Variants in ARHGAP10 observed in about 807,000 individuals in gnomAD.
ARHGAP10 encodes the protein rho GTPase-activating protein 10.
ARHGAP10 carries 87 observed loss-of-function variants against 108.6 expected under a neutral mutation model. That is an observed-to-expected ratio of 0.80 (90% CI 0.67 to 0.96). The LOEUF (loss-of-function observed/expected upper bound fraction) is 0.96. ARHGAP10 is among the 40% of genes least tolerant of loss of function. ARHGAP10 has a pLI of 0.00. For missense variants in ARHGAP10, 939 were observed against 954.5 expected (o/e 0.98, Z 0.21); for synonymous variants, 347 against 341.1 (o/e 1.02, Z -0.19).
intron 1 of ARHGAP10, among the ~76,000 whole-genome samples, chr4:147,795,473 A>G (rs1731279833): frequency 6.6e-6 from 1 of 151,602 alleles, no homozygotes; most frequent in Non-Finnish European, 1.5e-5. Context: ...TGAGTCTTAC[A>G]GGGTCTCTGT....
intron 10 of ARHGAP10, among the ~76,000 whole-genome samples, chr4:147,886,004 TAGTC>T (rs746465622): frequency 2.2e-4 from 33 of 152,356 alleles, no homozygotes; most frequent in Non-Finnish European, 3.8e-4. Flanking sequence ...TGATGGGTTG[TAGTC>T]AGAACTTCAT....
At chr4:148,061,480 G>A (rs931842075) in intron 20 of ARHGAP10, among the ~76,000 whole-genome samples, 8 of 152,132 alleles carry the variant, frequency 5.3e-5, no homozygotes, top group Non-Finnish European at 8.8e-5. Flanking sequence ...AAAAAATGGA[G>A]TGACTTTTGT....
intron 1 of ARHGAP10, among the ~76,000 whole-genome samples, chr4:147,785,041 C>G (rs966824415): frequency 8.3e-6 from 1 of 121,032 alleles, no homozygotes; most frequent in African/African-American, 3.1e-5. Context: ...TATATATATG[C>G]AGTTGATTCC....
chr4:148,048,338 A>G (rs1388308286), intron 20 of ARHGAP10, among the ~76,000 whole-genome samples: 1 of 152,200 alleles, frequency 6.6e-6, no homozygotes, highest in African/African-American at 2.4e-5. Flanking sequence ...GACATTTGGT[A>G]TGCCAAAATT....
chr4:147,873,073 T>C (rs139284992), intron 7 of ARHGAP10, among the ~76,000 whole-genome samples: 138 of 152,334 alleles, frequency 9.1e-4, no homozygotes, highest in Admixed American at 4.5e-3. Context: ...CCTAAGGCTG[T>C]CTGCTGAGAA....
Position 148,031,015 on chromosome 4 carries a change from T to C in ARHGAP10, c.1867+7602T>C, listed in dbSNP as rs1728126334. On this transcript the variant is annotated intron_variant, in intron 19 of 22. Coordinates refer to ENST00000336498, the MANE Select transcript of ARHGAP10 (RefSeq NM_024605.4). ...TTGAGGCTGCAGCGAGCCGTGATTATACCACTGCACTCCAGCCTGGGTGAC... is the reference window on the plus strand; with the variant it reads ...TTGAGGCTGCAGCGAGCCGTGATTACACCACTGCACTCCAGCCTGGGTGAC... Among the ~76,000 whole-genome samples the C allele has an allele frequency of 3.3e-5, 5 of 152,246 alleles. No individual in the cohort carries two copies. In the South Asian group the frequency reaches 1.0e-3, roughly 32 times the overall value.
chr4:148,028,214 A>AT (rs1167690992), intron 19 of ARHGAP10, among the ~76,000 whole-genome samples: 1 of 152,232 alleles, frequency 6.6e-6, no homozygotes, highest in East Asian at 1.9e-4. Context: ...TGACTGAGGC[A>AT]TGGCAGGAGC....
At chr4:147,741,792 G>GCACGCGCACACA (rs1553944880) in intron 1 of ARHGAP10, among the ~76,000 whole-genome samples, 1 of 57,576 alleles carries the variant, frequency 1.7e-5, no homozygotes, top group African/African-American at 3.4e-5. Context: ...ACACACACAC[G>GCACGCGCACACA]CACACACACA....
At position 147,935,625 on chromosome 4, in the gene ARHGAP10, T is replaced by C. The variant is rs144837812; in HGVS notation, c.1229-4200T>C. ...AAAGGACATGATAAACTCACTAATATGCCTTGGCATATTGGTTGGTTTATA... is the reference window on the plus strand; with the variant it reads ...AAAGGACATGATAAACTCACTAATACGCCTTGGCATATTGGTTGGTTTATA... On this transcript the variant is annotated intron_variant, in intron 13 of 22. Transcript: ENST00000336498. Among the ~76,000 whole-genome samples the C allele has an allele frequency of 1.6e-3, 238 of 152,346 alleles. 1 individual carries two copies. Among genetic ancestry groups the C allele is most frequent in the African/African-American group, 5.3e-3 (222 of 41,586 alleles).
At position 147,986,011 on chromosome 4, in the gene ARHGAP10, G is replaced by A. The variant is rs141145773; in HGVS notation, c.1716+19172G>A. On this transcript the variant is annotated intron_variant, in intron 18 of 22. Transcript: ENST00000336498. ...TCCTTTGCTGTTGAAGTGGATTTCC[G>A]TTTTCCTGTTTGAATTAAAGCTCAC... Among the ~76,000 whole-genome samples, 477 of 152,156 alleles carry A rather than the reference G, an allele frequency of 3.1e-3. 5 individuals are homozygous for A. Among genetic ancestry groups the A allele is most frequent in the African/African-American group, 0.01 (431 of 41,500 alleles).
chr4:148,016,873 C>A (rs144357011), intron 18 of ARHGAP10, among the ~76,000 whole-genome samples: 52 of 151,420 alleles, frequency 3.4e-4, no homozygotes, highest in African/African-American at 1.2e-3. Flanking sequence ...AACACATTTA[C>A]TGATTTGTTA....
intron 4 of ARHGAP10, among the ~76,000 whole-genome samples, chr4:147,848,276 G>A (rs1362803452): frequency 1.3e-5 from 2 of 152,100 alleles, no homozygotes; most frequent in East Asian, 1.9e-4. Context: ...TTGGCATACC[G>A]TATTACAGTT....
intron 18 of ARHGAP10, among the ~76,000 whole-genome samples, chr4:147,988,573 A>G (rs1740130389): frequency 6.6e-6 from 1 of 152,184 alleles, no homozygotes; most frequent in African/African-American, 2.4e-5. Flanking sequence ...AGAAAATTGA[A>G]TGTTTATATA....
chr4:148,013,211 G>A (rs1276753124), intron 18 of ARHGAP10, among the ~76,000 whole-genome samples: 5 of 152,126 alleles, frequency 3.3e-5, no homozygotes, highest in Admixed American at 2.0e-4. Context: ...TTTTATTAGA[G>A]CTGAAATGCA....
intron 15 of ARHGAP10, among the ~76,000 whole-genome samples, chr4:147,947,227 C>CT (rs34782915): frequency 0.072 from 7,351 of 101,538 alleles, 222 homozygotes; most frequent in Non-Finnish European, 0.083. Context: ...GAGTCACTGT[C>CT]TTTTTTTTTT....
At chr4:147,867,432 A>G (rs979544725) in intron 7 of ARHGAP10, among the ~76,000 whole-genome samples, 1 of 152,138 alleles carries the variant, frequency 6.6e-6, no homozygotes, top group Non-Finnish European at 1.5e-5. Context: ...TGGTCAGGGT[A>G]TGTTGAGTGT....
chr4:148,018,020 G>C (rs1741415919), intron 18 of ARHGAP10, among the ~76,000 whole-genome samples: 1 of 152,078 alleles, frequency 6.6e-6, no homozygotes, highest in African/African-American at 2.4e-5. Context: ...ACTTCTGTTT[G>C]TGCTGGCACT....
chr4:147,875,588 C>G (rs1452411522), intron 8 of ARHGAP10, among the ~76,000 whole-genome samples: 1 of 152,172 alleles, frequency 6.6e-6, no homozygotes, highest in African/African-American at 2.4e-5. Flanking sequence ...CTCCCATAAC[C>G]CTGCCTCTCT....
chr4:147,953,000 G>A (rs148659989), intron 15 of ARHGAP10, among the ~76,000 whole-genome samples: 1 of 151,914 alleles, frequency 6.6e-6, no homozygotes, highest in Non-Finnish European at 1.5e-5. Context: ...ACGATTTGTA[G>A]GAGTGGCTAT....
Sources: gnomAD v4.1 joint callset for allele counts (sites outside exome capture counted in the v4.1 genomes callset) on GRCh38, gnomAD v4.1.1 for gene constraint, MANE v1.5 for transcripts, NCBI Gene and HGNC (gene_info 2026-07-23, HGNC 2026-07-21) for gene names.